The following DOCK4 variants were observed in gnomAD, a reference collection of about 807,000 sequenced individuals.
DOCK4 encodes the protein dedicator of cytokinesis 4, also known as dedicator of cytokinesis protein 4.
DOCK4 carries 97 observed loss-of-function variants against 268.1 expected under a neutral mutation model. The observed-to-expected ratio is 0.36, with a 90% confidence interval of 0.31 to 0.43. DOCK4 has a LOEUF of 0.43. Ranked by LOEUF, DOCK4 falls within the 20% of genes least tolerant of loss-of-function variation. The pLI, the probability that DOCK4 is intolerant of heterozygous loss-of-function variation, is 1.00. For synonymous variants in DOCK4, 954 were observed against 887.2 expected (o/e 1.08, Z -1.34); for missense variants, 2,145 against 2,455.7 (o/e 0.87, Z 2.67).
chr7:112,133,125 G>T (rs2116136643), intron 1 of DOCK4, among the ~76,000 whole-genome samples: 1 of 152,210 alleles, frequency 6.6e-6, no homozygotes, highest in East Asian at 1.9e-4. Flanking sequence ...CCAGAATAGG[G>T]ATACAGGTCA....
chr7:111,940,824 C>G (rs1352612647), intron 10 of DOCK4, among the ~76,000 whole-genome samples: 1 of 152,108 alleles, frequency 6.6e-6, no homozygotes, highest in Non-Finnish European at 1.5e-5. Flanking sequence ...GTTATTAATA[C>G]ATTGTTTTAA....
intron 1 of DOCK4, among the ~76,000 whole-genome samples, chr7:112,114,017 T>C (rs528161087): frequency 6.6e-6 from 1 of 152,252 alleles, no homozygotes; most frequent in Non-Finnish European, 1.5e-5. Flanking sequence ...CTTGTTTCTT[T>C]AAAAGTACTA....
chr7:111,771,361 G>A (rs972883953), intron 36 of DOCK4, among the ~76,000 whole-genome samples: 1 of 152,328 alleles, frequency 6.6e-6, no homozygotes, highest in Middle Eastern at 3.4e-3. Flanking sequence ...GATGCATTGT[G>A]GTCCAGAGGC....
chr7:112,012,136 A>C (rs1030806280), intron 1 of DOCK4, among the ~76,000 whole-genome samples: 1 of 152,178 alleles, frequency 6.6e-6, no homozygotes, highest in African/African-American at 2.4e-5. Flanking sequence ...ATAATTGTTA[A>C]CTGGAAATTT....
chr7:112,088,176 A>G (rs1003032695), intron 1 of DOCK4, among the ~76,000 whole-genome samples: 1 of 152,118 alleles, frequency 6.6e-6, no homozygotes, highest in Admixed American at 6.6e-5. Context: ...ATCTTCAGGC[A>G]GGTCACACTG....
chr7:111,895,106 G>T (rs1017927993), intron 16 of DOCK4, among the ~76,000 whole-genome samples: 5 of 152,022 alleles, frequency 3.3e-5, no homozygotes, highest in African/African-American at 1.2e-4. Context: ...TTCTTTTGTT[G>T]CCTACTACAA....
At chr7:111,921,533 T>A (rs764677202) in intron 12 of DOCK4, among the ~76,000 whole-genome samples, 1 of 152,192 alleles carries the variant, frequency 6.6e-6, no homozygotes, top group Non-Finnish European at 1.5e-5. Context: ...TAGCTACGAA[T>A]GCACAGCGAT....
At chr7:111,777,215 G>T (rs1203030082) in intron 36 of DOCK4, among the ~76,000 whole-genome samples, 1 of 152,172 alleles carries the variant, frequency 6.6e-6, no homozygotes, top group Non-Finnish European at 1.5e-5. Flanking sequence ...AGACACAAAA[G>T]AACTGTTCAC....
Position 112,206,203 on chromosome 7 carries a change from A to C in DOCK4, c.-65T>G. 25 of 1,487,960 alleles carry C rather than the reference A, an allele frequency of 1.7e-5. No homozygotes were observed. The highest frequency in any genetic ancestry group is 2.2e-5 in the Non-Finnish European group (24 of 1,089,158). The allele number at this position is 1,487,960 out of a possible 1,614,324, so 92.2% of individuals were successfully genotyped here. ...CGCGCCCCTTCTCCGGCTCACAACAATGCACAGTCCCCGAGCAGCGCTGCA... is the reference window on the plus strand; with the variant it reads ...CGCGCCCCTTCTCCGGCTCACAACACTGCACAGTCCCCGAGCAGCGCTGCA... On this transcript the variant is annotated 5_prime_UTR_variant, in exon 1 of 53. Coordinates refer to ENST00000428084, the MANE Select transcript of DOCK4 (RefSeq NM_001363540.2).
intron 1 of DOCK4, among the ~76,000 whole-genome samples, chr7:112,128,376 G>A (rs969146392): frequency 6.6e-6 from 1 of 152,134 alleles, no homozygotes; most frequent in Non-Finnish European, 1.5e-5. Flanking sequence ...ACTGGGAAGT[G>A]AGGAGCCCCT....
At chr7:111,805,064 C>T (rs1800575131) in intron 30 of DOCK4, among the ~76,000 whole-genome samples, 2 of 152,214 alleles carry the variant, frequency 1.3e-5, no homozygotes, top group African/African-American at 4.8e-5. Context: ...TCCCCAGGAT[C>T]TACTGCTGTC....
At chr7:112,200,747 A>AAAAAAAAAAAG (rs1470347248) in intron 1 of DOCK4, among the ~76,000 whole-genome samples, 1 of 150,596 alleles carries the variant, frequency 6.6e-6, no homozygotes, top group African/African-American at 2.4e-5. Context: ...AACAAAAAAA[A>AAAAAAAAAAAG]ACAAGATCAT....
chr7:111,924,733 T>C (rs1392627487), intron 12 of DOCK4, among the ~76,000 whole-genome samples: 1 of 152,146 alleles, frequency 6.6e-6, no homozygotes, highest in Non-Finnish European at 1.5e-5. Flanking sequence ...CTGGCCAATG[T>C]AGTGAGTCCC....
At chr7:111,954,375 G>A (rs543469157) in intron 8 of DOCK4, among the ~76,000 whole-genome samples, 53 of 152,278 alleles carry the variant, frequency 3.5e-4, no homozygotes, top group African/African-American at 1.3e-3. Flanking sequence ...CGGGGCTTTG[G>A]TGCTTATGAT....
At chr7:111,771,377 G>A (rs1798115539) in intron 36 of DOCK4, among the ~76,000 whole-genome samples, 1 of 152,298 alleles carries the variant, frequency 6.6e-6, no homozygotes, top group Non-Finnish European at 1.5e-5. Flanking sequence ...GAGGCAGCTG[G>A]GCACAAGAAA....
chr7:112,056,899 T>C (rs1050573315), intron 1 of DOCK4, among the ~76,000 whole-genome samples: 1 of 152,176 alleles, frequency 6.6e-6, no homozygotes, highest in African/African-American at 2.4e-5. Flanking sequence ...CTTTTTAATA[T>C]ATAGTTTTAA....
intron 1 of DOCK4, among the ~76,000 whole-genome samples, chr7:112,199,654 C>T (rs1820749054): frequency 6.6e-6 from 1 of 152,112 alleles, no homozygotes; most frequent in South Asian, 2.1e-4. Context: ...ACAAGTTATA[C>T]AAGTTGCCTT....
intron 8 of DOCK4, among the ~76,000 whole-genome samples, chr7:111,956,601 A>G (rs556678130): frequency 1.1e-4 from 17 of 152,304 alleles, no homozygotes; most frequent in South Asian, 4.1e-4. Context: ...TAGTTACTCT[A>G]TGTTCACCTT....
intron 1 of DOCK4, among the ~76,000 whole-genome samples, chr7:112,167,886 C>A (rs950694838): frequency 4.3e-4 from 65 of 151,980 alleles, no homozygotes; most frequent in African/African-American, 1.6e-3. Context: ...AACTTCCCAC[C>A]AGCTCCCTCT....
Sources: allele counts gnomAD v4.1 joint callset (sites outside exome capture counted in the v4.1 genomes callset), GRCh38; gene constraint gnomAD v4.1.1; transcripts MANE v1.5; gene names NCBI Gene and HGNC (gene_info 2026-07-23, HGNC 2026-07-21).